Variants in GLIS1 observed in about 807,000 individuals in gnomAD.
The protein encoded by GLIS1 is GLIS family zinc finger 1.
GLIS1 carries 24 observed loss-of-function variants against 63.8 expected under a neutral mutation model. The observed-to-expected ratio is 0.38, with a 90% CI of 0.27 to 0.53. The LOEUF (loss-of-function observed/expected upper bound fraction) is 0.53, where lower values mean the gene tolerates loss of function less well. Among genes scored for constraint, GLIS1 ranks in the 20% least tolerant of loss-of-function variants. GLIS1 has a pLI of 0.85. For synonymous variants in GLIS1, 450 were observed against 482.5 expected, an observed-to-expected ratio of 0.93 and a Z score of 0.88; for missense variants, 1,036 against 1,074.1, an observed-to-expected ratio of 0.96 and a Z score of 0.50.
In GLIS1 at chr1:53,611,634, TTTTAAAGCTGGGC is replaced by T. The variant is rs1289626489; in HGVS notation, c.260-11369_260-11357del. On this transcript the variant is annotated intron_variant, in intron 2 of 10. Coordinates refer to ENST00000628545, the MANE Select transcript of GLIS1 (RefSeq NM_001367484.1). ...CTTAATTCAGTCTGGGATTTGGCTG[TTTTAAAGCTGGGC>T]TTCACTCTTTGTACAAGTTGCTCTG... Among the ~76,000 whole-genome samples the T allele has an allele frequency of 2.0e-5, 3 of 152,306 alleles. No individual in the cohort carries two copies. The East Asian group carries it at 5.8e-4, about 29-fold the overall frequency.
At chr1:53,645,627 G>A (rs532658759) in intron 2 of GLIS1, among the ~76,000 whole-genome samples, 2 of 152,322 alleles carry the variant, frequency 1.3e-5, no homozygotes, top group Admixed American at 1.3e-4. Context: ...AACCCTTGGG[G>A]TACAGGCCAA....
rs78616555 is a variant in GLIS1, at chr1:53,545,392, C to A, written c.1321-15440G>T. On this transcript the variant is annotated intron_variant, in intron 4 of 10. Coordinates refer to ENST00000628545, the MANE Select transcript of GLIS1 (RefSeq NM_001367484.1). ...TGACCTGTCCGGCGGCATCATGGGG[C>A]AGACTGTCATGCTTTTATTCAGTCA... is the stretch of plus-strand genomic sequence containing the variant. Among the ~76,000 whole-genome samples the A allele has an allele frequency of 6.5e-3, 995 of 152,352 alleles. 34 individuals are homozygous for A. The East Asian group carries it at 0.066, about 10-fold the overall frequency.
chr1:53,684,273 C>T (rs563462979), intron 2 of GLIS1, among the ~76,000 whole-genome samples: 7 of 152,228 alleles, frequency 4.6e-5, no homozygotes, highest in African/African-American at 9.6e-5. Context: ...CTCCCCAGAA[C>T]TCAACACAGG....
At chr1:53,632,893 G>C (rs940061320) in intron 2 of GLIS1, among the ~76,000 whole-genome samples, 1 of 150,634 alleles carries the variant, frequency 6.6e-6, no homozygotes, top group Non-Finnish European at 1.5e-5. Context: ...TGAGGGGCGT[G>C]TGAATGAATG....
intron 2 of GLIS1, among the ~76,000 whole-genome samples, chr1:53,655,753 C>T (rs1486017552): frequency 1.3e-5 from 2 of 152,216 alleles, no homozygotes; most frequent in African/African-American, 2.4e-5. Context: ...GTCTGGCACA[C>T]AGCAGGCAGG....
At chr1:53,602,817 C>A (rs536343232) in intron 2 of GLIS1, among the ~76,000 whole-genome samples, 1 of 152,360 alleles carries the variant, frequency 6.6e-6, no homozygotes, top group African/African-American at 2.4e-5. Flanking sequence ...GCTGAATAAC[C>A]AGAGACCCCT....
chr1:53,513,679 T>A (rs951905257), intron 8 of GLIS1, among the ~76,000 whole-genome samples: 3 of 152,080 alleles, frequency 2.0e-5, no homozygotes, highest in Non-Finnish European at 4.4e-5. Flanking sequence ...ACAGTAAGCA[T>A]CTCCAGGGCC....
At chr1:53,641,988 T>A (rs1271232421) in intron 2 of GLIS1, among the ~76,000 whole-genome samples, 1 of 152,050 alleles carries the variant, frequency 6.6e-6, no homozygotes, top group Non-Finnish European at 1.5e-5. Flanking sequence ...CTGACAAGAG[T>A]GTCTGCTCCC....
chr1:53,723,416 G>A (rs1030583330), intron 2 of GLIS1, among the ~76,000 whole-genome samples: 1 of 151,708 alleles, frequency 6.6e-6, no homozygotes, highest in Non-Finnish European at 1.5e-5. Context: ...TTTTTGTATG[G>A]TAGTGACAGT....
In GLIS1 at chr1:53,640,249, G is replaced by A. The variant is rs114743172; in HGVS notation, c.260-39971C>T. ...CAGGGCAAACACTACCTTGCCTTCC[G>A]GAGGCTCCACAAAGCCCCTTTGTGA... On this transcript the variant is annotated intron_variant, in intron 2 of 10. Transcript: ENST00000628545. Among the ~76,000 whole-genome samples, 408 of 152,216 alleles carry A rather than the reference G, an allele frequency of 2.7e-3. 2 individuals carry two copies. The highest frequency in any genetic ancestry group is 9.2e-3 in the African/African-American group (383 of 41,522).
intron 2 of GLIS1, among the ~76,000 whole-genome samples, chr1:53,620,198 C>G (rs1406536334): frequency 6.6e-6 from 1 of 152,222 alleles, no homozygotes; most frequent in Admixed American, 6.5e-5. Flanking sequence ...GGCTGCTGGG[C>G]TCTGTCCAGC....
intron 4 of GLIS1, among the ~76,000 whole-genome samples, chr1:53,552,468 A>G (rs1644770122): frequency 6.6e-6 from 1 of 152,228 alleles, no homozygotes; most frequent in African/African-American, 2.4e-5. Context: ...ATTGATGATG[A>G]AAATACTTTT....
At chr1:53,570,035 A>G (rs1336118087) in intron 4 of GLIS1, among the ~76,000 whole-genome samples, 1 of 152,126 alleles carries the variant, frequency 6.6e-6, no homozygotes, top group Non-Finnish European at 1.5e-5. Context: ...TGGAATTCCA[A>G]TCAAAATCTA....
intron 2 of GLIS1, among the ~76,000 whole-genome samples, chr1:53,701,322 G>A (rs1390981004): frequency 6.6e-6 from 1 of 152,214 alleles, no homozygotes; most frequent in African/African-American, 2.4e-5. Context: ...TTTAGTGGGT[G>A]TGAAGTACCA....
At chr1:53,650,346 T>C (rs765282323) in intron 2 of GLIS1, among the ~76,000 whole-genome samples, 2 of 152,096 alleles carry the variant, frequency 1.3e-5, no homozygotes, top group South Asian at 2.1e-4. Flanking sequence ...TCAAAGCACT[T>C]TGGGAGGCTG....
intron 5 of GLIS1, among the ~76,000 whole-genome samples, chr1:53,525,552 G>A (rs1200876960): frequency 1.4e-5 from 2 of 146,872 alleles, no homozygotes; most frequent in Non-Finnish European, 3.0e-5. Context: ...GGCCCCCATG[G>A]CTCACCCAGA....
intron 2 of GLIS1, among the ~76,000 whole-genome samples, chr1:53,688,479 C>CTTAG (rs1646366214): frequency 6.6e-6 from 1 of 152,212 alleles, no homozygotes; most frequent in African/African-American, 2.4e-5. Flanking sequence ...CTCTGCTCTC[C>CTTAG]TGCCCATTCC....
chr1:53,568,021 G>A (rs775597753), intron 4 of GLIS1, among the ~76,000 whole-genome samples: 8 of 152,232 alleles, frequency 5.3e-5, no homozygotes, highest in Non-Finnish European at 1.0e-4. Flanking sequence ...ACAGAATGGA[G>A]ACCCCAGAAT....
At chr1:53,722,900 A>C (rs1055281226) in intron 2 of GLIS1, among the ~76,000 whole-genome samples, 1 of 151,762 alleles carries the variant, frequency 6.6e-6, no homozygotes, top group Non-Finnish European at 1.5e-5. Context: ...TGGGAGGCCG[A>C]GGCGGGTGGA....
Sources: gnomAD v4.1 joint callset for allele counts (sites outside exome capture counted in the v4.1 genomes callset) on GRCh38, gnomAD v4.1.1 for gene constraint, MANE v1.5 for transcripts, NCBI Gene and HGNC (gene_info 2026-07-23, HGNC 2026-07-21) for gene names.